The following SUMF1 variants were observed in gnomAD, a reference collection of about 807,000 sequenced individuals.
The protein encoded by SUMF1 is formylglycine-generating enzyme.
In SUMF1, 48 loss-of-function variants were observed where a neutral mutation model predicts 47.6. The observed-to-expected ratio is 1.01, with a 90% CI of 0.80 to 1.28. The LOEUF is 1.28. Among genes scored for constraint, SUMF1 ranks in the 50% most tolerant of loss-of-function variants. The probability of loss-of-function intolerance (pLI) is 0.00; values close to 1 mark genes in which losing one functional copy is unlikely to be tolerated. For missense variants in SUMF1, 571 were observed against 485.4 expected (o/e 1.18, Z -1.66); for synonymous variants, 230 against 192.1 (o/e 1.20, Z -1.63).
intron 8 of SUMF1, among the ~76,000 whole-genome samples, chr3:4,073,038 C>T (rs1087824): frequency 0.31 from 47,614 of 151,958 alleles, 7,895 homozygotes; most frequent in Admixed American, 0.44. Flanking sequence ...AACCATCCGA[C>T]TCACCAAGGT....
At chr3:4,269,961 T>A (rs571414111) in intron 8 of SUMF1, among the ~76,000 whole-genome samples, 32 of 152,330 alleles carry the variant, frequency 2.1e-4, no homozygotes, top group Middle Eastern at 6.8e-3. Flanking sequence ...GAAGTAATGA[T>A]ACCATGTATT....
chr3:4,177,862 A>G (rs899055810), intron 8 of SUMF1, among the ~76,000 whole-genome samples: 6 of 152,186 alleles, frequency 3.9e-5, no homozygotes, highest in African/African-American at 1.2e-4. Flanking sequence ...AGGAGATATC[A>G]CCACCAATCC....
intron 8 of SUMF1, among the ~76,000 whole-genome samples, chr3:4,142,742 T>C (rs1694100864): frequency 6.6e-6 from 1 of 151,634 alleles, no homozygotes; most frequent in Non-Finnish European, 1.5e-5. Flanking sequence ...TCGTGAATGC[T>C]ACAGGATTCC....
chr3:4,144,341 G>A (rs776427440), intron 8 of SUMF1, among the ~76,000 whole-genome samples: 7 of 152,074 alleles, frequency 4.6e-5, no homozygotes, highest in Admixed American at 2.0e-4. Context: ...TGAGAAAAGA[G>A]GTGATAGAAA....
Position 4,377,013 on chromosome 3 carries a change from C to T in SUMF1, c.955-624G>A, listed in dbSNP as rs1260503680. ...ACAGGGTCTCGCTATATTGCCCAGGCTGGTCTTGAACTACTGAGCTCAAGT... is the reference window on the plus strand; with the variant it reads ...ACAGGGTCTCGCTATATTGCCCAGGTTGGTCTTGAACTACTGAGCTCAAGT... On this transcript the variant is annotated intron_variant, in intron 7 of 8. Transcript: ENST00000272902. Among the ~76,000 whole-genome samples, 4 of 152,172 alleles carry T rather than the reference C, an allele frequency of 2.6e-5. No individual in the cohort carries two copies. The East Asian group carries it at 7.7e-4, about 29-fold the overall frequency.
chr3:4,309,497 A>T (rs915180288), intron 8 of SUMF1, among the ~76,000 whole-genome samples: 2 of 152,202 alleles, frequency 1.3e-5, no homozygotes, highest in African/African-American at 4.8e-5. Context: ...CAAGAAACAT[A>T]ACACAAACTG....
At chr3:4,164,387 A>G (rs148418927) in intron 8 of SUMF1, among the ~76,000 whole-genome samples, 2,141 of 152,256 alleles carry the variant, frequency 0.014, 64 homozygotes, top group African/African-American at 0.05. Context: ...CGCTTACCCC[A>G]GGCACCCTCA....
chr3:4,346,912 C>A (rs1285127731), intron 8 of SUMF1, among the ~76,000 whole-genome samples: 1 of 152,180 alleles, frequency 6.6e-6, no homozygotes, highest in East Asian at 1.9e-4. Context: ...CACCTCTACA[C>A]AAATAAACTA....
intron 7 of SUMF1, among the ~76,000 whole-genome samples, chr3:4,382,336 G>GCACACACACCACACA (rs1553566048): frequency 6.7e-6 from 1 of 149,346 alleles, no homozygotes; most frequent in African/African-American, 2.5e-5. Flanking sequence ...ACACATACAT[G>GCACACACACCACACA]CACACACACA....
intron 9 of SUMF1, among the ~76,000 whole-genome samples, chr3:4,058,896 T>C (rs933898313): frequency 2.6e-5 from 4 of 152,152 alleles, no homozygotes; most frequent in Admixed American, 6.6e-5. Context: ...ATTTGTGAGA[T>C]GTCAATCTGG....
At chr3:4,255,107 G>C (rs1314428274) in intron 8 of SUMF1, among the ~76,000 whole-genome samples, 63 of 150,838 alleles carry the variant, frequency 4.2e-4, no homozygotes, top group African/African-American at 1.3e-3. Flanking sequence ...AAGAGCTCCT[G>C]AAGGAAGCAC....
At chr3:4,311,596 T>A (rs961336144) in intron 8 of SUMF1, among the ~76,000 whole-genome samples, 5 of 152,192 alleles carry the variant, frequency 3.3e-5, no homozygotes, top group African/African-American at 1.2e-4. Context: ...ACAATGAGAT[T>A]ATTCCTTACA....
At chr3:4,075,953 A>G (rs909680314) in intron 8 of SUMF1, among the ~76,000 whole-genome samples, 6 of 152,186 alleles carry the variant, frequency 3.9e-5, no homozygotes, top group African/African-American at 7.2e-5. Flanking sequence ...CCATCATGCT[A>G]GCACTGACTT....
chr3:4,444,559 G>A (rs983036982), intron 3 of SUMF1, among the ~76,000 whole-genome samples: 2 of 152,122 alleles, frequency 1.3e-5, no homozygotes, highest in South Asian at 4.1e-4. Context: ...AATTACACTG[G>A]GGATGGTAGC....
At chr3:4,318,187 C>T (rs711675) in intron 8 of SUMF1, among the ~76,000 whole-genome samples, 79,604 of 150,816 alleles carry the variant, frequency 0.53, 24,522 homozygotes, top group African/African-American at 0.87. Context: ...CTTTTGAATA[C>T]AGAGGCAAAA....
At position 4,410,988 on chromosome 3, in the gene SUMF1, A is replaced by G. The variant is rs1443360691; in HGVS notation, c.841-10T>C. On this transcript the variant is annotated splice_polypyrimidine_tract_variant and intron_variant, in intron 6 of 8. Transcript: ENST00000272902. Reference sequence around the variant, plus strand: ...GAGGGAAGGCATCAACCTAAAAACAAAGACAGGAAAAATGCTGTCAAACTA... The same window carrying G: ...GAGGGAAGGCATCAACCTAAAAACAGAGACAGGAAAAATGCTGTCAAACTA... 1.9e-6 allele frequency: 3 copies of G among 1,608,732 alleles called. No homozygotes were observed. Among genetic ancestry groups the G allele is most frequent in the Middle Eastern group, 1.7e-4 (1 of 6,058 alleles).
intron 8 of SUMF1, among the ~76,000 whole-genome samples, chr3:4,321,846 G>T (rs1197713707): frequency 6.6e-6 from 1 of 152,056 alleles, no homozygotes; most frequent in Non-Finnish European, 1.5e-5. Context: ...GGAGGAAAGG[G>T]AGGGGAGCAG....
At chr3:4,322,911 C>G (rs972239727) in intron 8 of SUMF1, among the ~76,000 whole-genome samples, 1 of 151,996 alleles carries the variant, frequency 6.6e-6, no homozygotes, top group African/African-American at 2.4e-5. Flanking sequence ...CAGCAAGATG[C>G]TGTCTTAAAA....
chr3:4,094,920 C>T (rs954113755), intron 8 of SUMF1, among the ~76,000 whole-genome samples: 3 of 152,098 alleles, frequency 2.0e-5, no homozygotes, highest in Non-Finnish European at 4.4e-5. Context: ...GTGAACCCTA[C>T]TTTGAGGAGG....
Sources: gnomAD v4.1 joint callset for allele counts (sites outside exome capture counted in the v4.1 genomes callset) on GRCh38, gnomAD v4.1.1 for gene constraint, MANE v1.5 for transcripts, NCBI Gene and HGNC (gene_info 2026-07-23, HGNC 2026-07-21) for gene names.